The following HAAO variants were observed in gnomAD, a reference collection of about 807,000 sequenced individuals.
HAAO encodes 3-hydroxyanthranilate oxygenase.
A neutral mutation model predicts 46.2 loss-of-function variants in HAAO; 49 were observed. That is an observed-to-expected ratio of 1.06 (90% CI 0.84 to 1.34). The LOEUF (loss-of-function observed/expected upper bound fraction) is 1.34. Ranked by LOEUF, HAAO falls within the 40% of genes most tolerant of loss-of-function variation. HAAO has a pLI of 0.00. For synonymous variants in HAAO, 157 were observed against 145.2 expected, an observed-to-expected ratio of 1.08 and a Z score of -0.58; for missense variants, 408 against 364.5, an observed-to-expected ratio of 1.12 and a Z score of -0.97.
intron 1 of HAAO, among the ~76,000 whole-genome samples, chr2:42,791,120 A>G (rs373243114): frequency 6.6e-6 from 1 of 152,202 alleles, no homozygotes; most frequent in Non-Finnish European, 1.5e-5. Flanking sequence ...AGATGTAGTT[A>G]GGTTAGGATG....
Position 42,767,801 on chromosome 2 carries a change from G to A in HAAO, c.699+59C>T, listed in dbSNP as rs893062559. ...CCCCGTGTGGGAGCCCAGGGCCGAG[G>A]AGCGGGCTGATGCCCTCTGGCAGGG... On this transcript the variant is annotated intron_variant, in intron 8 of 9. Transcript: ENST00000294973. 2.4e-5 allele frequency: 38 copies of A among 1,580,634 alleles called. No homozygotes were observed. In the African/African-American group the frequency reaches 4.4e-4, roughly 18 times the overall value.
intron 2 of HAAO, 76 bp downstream of exon 2, chr2:42,788,453 G>T: frequency 2.2e-6 from 2 of 914,558 alleles, no homozygotes; most frequent in Non-Finnish European, 3.7e-6. Context: ...TGGGCCTCGA[G>T]TGGGAAGCGC....
At chr2:42,776,448 C>T (rs1054067931) in intron 4 of HAAO, among the ~76,000 whole-genome samples, 2 of 151,520 alleles carry the variant, frequency 1.3e-5, no homozygotes, top group East Asian at 1.9e-4. Context: ...ACGTTGGTCA[C>T]GCTGGTCTCA....
chr2:42,785,998 G>A (rs1211810034), intron 2 of HAAO, among the ~76,000 whole-genome samples: 2 of 147,014 alleles, frequency 1.4e-5, no homozygotes, highest in South Asian at 2.2e-4. Flanking sequence ...CTCCAAGCTG[G>A]GAGGAAGCCT....
chr2:42,774,908 G>A (rs1558663691), intron 4 of HAAO, among the ~76,000 whole-genome samples: 1 of 151,750 alleles, frequency 6.6e-6, no homozygotes, highest in African/African-American at 2.4e-5. Flanking sequence ...TGGGAAACAA[G>A]GCCTCTAGAG....
At chr2:42,786,153 A>G (rs531370068) in intron 2 of HAAO, among the ~76,000 whole-genome samples, 1 of 152,062 alleles carries the variant, frequency 6.6e-6, no homozygotes, top group Non-Finnish European at 1.5e-5. Flanking sequence ...CCTCTGGGCC[A>G]GATTTAAACC....
intron 4 of HAAO, among the ~76,000 whole-genome samples, chr2:42,781,860 G>A (rs549170899): frequency 2.9e-4 from 43 of 149,660 alleles, no homozygotes; most frequent in Non-Finnish European, 2.1e-4. Flanking sequence ...GGCAACAAGA[G>A]TGAAACTTTG....
At chr2:42,790,060 CAGGGGAGGGGCTAT>C (rs1426799367) in intron 1 of HAAO, among the ~76,000 whole-genome samples, 2 of 152,078 alleles carry the variant, frequency 1.3e-5, no homozygotes, top group Non-Finnish European at 2.9e-5. Flanking sequence ...GTGTGGATGG[CAGGGGAGGGGCTAT>C]GGGGGAGGTC....
At chr2:42,786,770 C>T (rs1467874603) in intron 2 of HAAO, among the ~76,000 whole-genome samples, 1 of 152,164 alleles carries the variant, frequency 6.6e-6, no homozygotes, top group Non-Finnish European at 1.5e-5. Context: ...GGAGCCGGGC[C>T]AGGGAGCTGG....
At chr2:42,790,823 C>T (rs113861844) in intron 1 of HAAO, among the ~76,000 whole-genome samples, 8 of 152,312 alleles carry the variant, frequency 5.3e-5, no homozygotes, top group South Asian at 2.1e-4. Context: ...TGAGCCACTG[C>T]GCCCGGCTTG....
At chr2:42,785,696 A>C (rs1161541900) in intron 2 of HAAO, among the ~76,000 whole-genome samples, 1 of 152,062 alleles carries the variant, frequency 6.6e-6, no homozygotes, top group Non-Finnish European at 1.5e-5. Context: ...CCCCATCTCT[A>C]CAAAAACTAG....
At chr2:42,790,623 C>T (rs1287137877) in intron 1 of HAAO, among the ~76,000 whole-genome samples, 1 of 151,926 alleles carries the variant, frequency 6.6e-6, no homozygotes. Flanking sequence ...CCTCCACCTC[C>T]CGGGTTCAAG....
intron 2 of HAAO, among the ~76,000 whole-genome samples, chr2:42,787,907 C>G (rs1573956353): frequency 6.6e-6 from 1 of 152,088 alleles, no homozygotes; most frequent in Non-Finnish European, 1.5e-5. Context: ...CTTCAAGGTG[C>G]AAAAGGTGAT....
chr2:42,790,181 G>T (rs1011129426), intron 1 of HAAO, among the ~76,000 whole-genome samples: 2 of 152,178 alleles, frequency 1.3e-5, no homozygotes, highest in South Asian at 4.1e-4. Flanking sequence ...AGACGGAAGA[G>T]CCAGTCTCTT....
Position 42,792,492 on chromosome 2 carries a change from C to G in HAAO, c.45G>C (p.Arg15=). 1 of 1,593,342 alleles carries G rather than the reference C, an allele frequency of 6.3e-7. No homozygotes were observed. Among genetic ancestry groups the G allele is most frequent in the Non-Finnish European group, 8.5e-7 (1 of 1,170,556 alleles). Reference sequence around the variant, plus strand: ...TGCAGACCGGGGGCTGGAAGGAGCCCCGGTTCTCCTTCACCCAGGCCCTCA... The same window carrying G: ...TGCAGACCGGGGGCTGGAAGGAGCCGCGGTTCTCCTTCACCCAGGCCCTCA... ...LGVRAWVKEN[R]GSFQPPVCNK... The change falls in exon 1 of 10, where the codon CGG becomes CGC. Residue 15 remains arginine, a synonymous_variant. Transcript: ENST00000294973.
chr2:42,790,828 G>A (rs555829098), intron 1 of HAAO, among the ~76,000 whole-genome samples: 2 of 152,250 alleles, frequency 1.3e-5, no homozygotes, highest in East Asian at 1.9e-4. Flanking sequence ...CACTGCGCCC[G>A]GCTTGAAAGT....
At chr2:42,780,424 T>C (rs532381754) in intron 4 of HAAO, among the ~76,000 whole-genome samples, 1 of 152,004 alleles carries the variant, frequency 6.6e-6, no homozygotes, top group East Asian at 2.0e-4. Context: ...GCCAGAATGG[T>C]CTCGATCTCT....
At chr2:42,788,356 T>C (rs1387940789) in intron 2 of HAAO, among the ~76,000 whole-genome samples, 173 bp downstream of exon 2, 1 of 152,214 alleles carries the variant, frequency 6.6e-6, no homozygotes, top group Non-Finnish European at 1.5e-5. Flanking sequence ...GACCACCAGC[T>C]TGGAGGCAGC....
At chr2:42,792,005 G>A (rs1325145325) in intron 1 of HAAO, among the ~76,000 whole-genome samples, 1 of 152,096 alleles carries the variant, frequency 6.6e-6, no homozygotes, top group Non-Finnish European at 1.5e-5. Context: ...CCAAAGGAGC[G>A]GATTCTCTGC....
Sources: gnomAD v4.1 joint callset for allele counts (sites outside exome capture counted in the v4.1 genomes callset) on GRCh38, gnomAD v4.1.1 for gene constraint, MANE v1.5 for transcripts, NCBI Gene and HGNC (gene_info 2026-07-23, HGNC 2026-07-21) for gene names.